The following IL1RAPL1 variants were observed in gnomAD, a reference collection of about 807,000 sequenced individuals.
IL1RAPL1 encodes interleukin-1 receptor accessory protein-like 1.
A neutral mutation model predicts 48.4 loss-of-function variants in IL1RAPL1; 3 were observed. That is an observed-to-expected ratio of 0.06 (90% CI 0.03 to 0.16). IL1RAPL1 has a LOEUF of 0.16. Ranked by LOEUF, IL1RAPL1 falls within the 10% of genes least tolerant of loss-of-function variation. IL1RAPL1 has a pLI of 1.00. For missense variants in IL1RAPL1, 349 were observed against 530.6 expected (o/e 0.66, Z 3.36); for synonymous variants, 185 against 187.7 (o/e 0.99, Z 0.12).
At chrX:29,730,567 C>A (rs1233797955) in intron 6 of IL1RAPL1, among the ~76,000 whole-genome samples, 1 of 112,132 alleles carries the variant, frequency 8.9e-6, no homozygotes, top group East Asian at 2.8e-4. Context: ...TGATGTGTCA[C>A]TTTTTAGGGC....
At position 29,490,377 on chromosome X, in the gene IL1RAPL1, A is replaced by G. The variant is rs771867197; in HGVS notation, c.703+91069A>G. 4.5e-5 allele frequency among the ~76,000 whole-genome samples: 5 copies of G among 110,145 alleles called. No individual in the cohort carries two copies. The South Asian group carries it at 1.2e-3, about 26-fold the overall frequency. ...CAAAACCCCGTGTCTACAAAAAAAT[A>G]CAAAAATTAGTCATGTGTGGTGACA... On this transcript the variant is annotated intron_variant, in intron 5 of 10. Coordinates refer to ENST00000378993, the MANE Select transcript of IL1RAPL1 (RefSeq NM_014271.4).
intron 2 of IL1RAPL1, among the ~76,000 whole-genome samples, chrX:29,274,041 AT>A (rs1360213860): frequency 9.0e-6 from 1 of 111,373 alleles, no homozygotes; most frequent in Admixed American, 9.6e-5. Context: ...TATCCCCATG[AT>A]TTTTTCCTCA....
intron 6 of IL1RAPL1, among the ~76,000 whole-genome samples, chrX:29,699,856 G>A (rs1473364572): frequency 8.9e-6 from 1 of 112,409 alleles, no homozygotes; most frequent in African/African-American, 3.2e-5. Flanking sequence ...GGAGAATACT[G>A]ACAGTCAGCC....
At chrX:28,899,113 A>C (rs1197318072) in intron 2 of IL1RAPL1, among the ~76,000 whole-genome samples, 2 of 111,535 alleles carry the variant, frequency 1.8e-5, no homozygotes, top group African/African-American at 6.5e-5. Context: ...CTTCTTCCCA[A>C]GGTGGCAGGA....
At chrX:29,362,922 CA>C (rs1402609530) in intron 3 of IL1RAPL1, among the ~76,000 whole-genome samples, 11 of 112,012 alleles carry the variant, frequency 9.8e-5, no homozygotes, top group South Asian at 3.7e-4. Context: ...AAGCATCTTA[CA>C]AGCATTATCT....
chrX:29,863,254 G>T (rs1433493354), intron 6 of IL1RAPL1, among the ~76,000 whole-genome samples: 1 of 112,104 alleles, frequency 8.9e-6, no homozygotes, highest in Non-Finnish European at 1.9e-5. Context: ...TAATAATGAT[G>T]ATGGAATAGC....
chrX:29,444,088 T>C (rs1312221365), intron 5 of IL1RAPL1, among the ~76,000 whole-genome samples: 1 of 112,128 alleles, frequency 8.9e-6, no homozygotes, highest in Non-Finnish European at 1.9e-5. Context: ...ACGCCTGTAA[T>C]CCCAGCACTT....
intron 2 of IL1RAPL1, among the ~76,000 whole-genome samples, chrX:28,803,906 G>C: frequency 8.9e-6 from 1 of 112,247 alleles, no homozygotes; most frequent in Admixed American, 9.4e-5. Context: ...CTTGCCTTTT[G>C]TATTCTTTAT....
intron 2 of IL1RAPL1, among the ~76,000 whole-genome samples, chrX:29,033,289 G>A (rs1266323830): frequency 1.8e-5 from 2 of 111,287 alleles, no homozygotes; most frequent in Non-Finnish European, 3.8e-5. Flanking sequence ...TTTCATGATG[G>A]AATAATAGAA....
chrX:29,411,705 CT>C (rs35526788), intron 5 of IL1RAPL1, among the ~76,000 whole-genome samples: 139 of 95,875 alleles, frequency 1.4e-3, no homozygotes, highest in East Asian at 2.3e-3. Context: ...GAAACAACTA[CT>C]TTTTTTTTTT....
At chrX:29,547,239 G>A (rs1432466178) in intron 5 of IL1RAPL1, among the ~76,000 whole-genome samples, 8 of 110,652 alleles carry the variant, frequency 7.2e-5, no homozygotes, top group Admixed American at 5.8e-4. Flanking sequence ...TAACTTTTTC[G>A]TGAGTTGTTT....
chrX:28,943,622 T>G (rs180694306), intron 2 of IL1RAPL1, among the ~76,000 whole-genome samples: 52 of 110,014 alleles, frequency 4.7e-4, no homozygotes, highest in Non-Finnish European at 7.8e-4. Context: ...TATTTTATCC[T>G]TGATTGTCTG....
At chrX:29,019,645 T>G (rs1926318529) in intron 2 of IL1RAPL1, among the ~76,000 whole-genome samples, 1 of 111,775 alleles carries the variant, frequency 8.9e-6, no homozygotes, top group Non-Finnish European at 1.9e-5. Context: ...GTGTTTAAGG[T>G]CTGTATAACA....
At chrX:29,515,345 A>G (rs1190888360) in intron 5 of IL1RAPL1, among the ~76,000 whole-genome samples, 1 of 112,279 alleles carries the variant, frequency 8.9e-6, no homozygotes, top group African/African-American at 3.2e-5. Context: ...TAGTCAAGAT[A>G]GAAAACATTT....
chrX:28,891,408 C>G (rs1191297820), intron 2 of IL1RAPL1, among the ~76,000 whole-genome samples: 1 of 112,014 alleles, frequency 8.9e-6, no homozygotes, highest in Admixed American at 9.5e-5. Context: ...ATAAGCATCA[C>G]TACAAACACT....
intron 5 of IL1RAPL1, among the ~76,000 whole-genome samples, chrX:29,521,580 T>G: frequency 8.9e-6 from 1 of 112,723 alleles, no homozygotes; most frequent in Non-Finnish European, 1.9e-5. Flanking sequence ...TCCAGAATCC[T>G]GCTTGCATGC....
At chrX:29,169,071 C>A (rs888000437) in intron 2 of IL1RAPL1, among the ~76,000 whole-genome samples, 1 of 106,680 alleles carries the variant, frequency 9.4e-6, no homozygotes, top group Non-Finnish European at 1.9e-5. Context: ...TGTAAATGGG[C>A]ATTTATGTTG....
At chrX:29,009,401 A>G (rs1210100358) in intron 2 of IL1RAPL1, among the ~76,000 whole-genome samples, 2 of 112,416 alleles carry the variant, frequency 1.8e-5, no homozygotes, top group Non-Finnish European at 1.9e-5. Flanking sequence ...GAGGTCTTAC[A>G]TTTAAATCTC....
chrX:29,726,651 T>A (rs1320297868), intron 6 of IL1RAPL1, among the ~76,000 whole-genome samples: 1 of 111,730 alleles, frequency 9.0e-6, no homozygotes, highest in Non-Finnish European at 1.9e-5. Context: ...TTATATTTTT[T>A]AAAGATTTTC....
Sources: allele counts gnomAD v4.1 joint callset (sites outside exome capture counted in the v4.1 genomes callset), GRCh38; gene constraint gnomAD v4.1.1; transcripts MANE v1.5; gene names NCBI Gene and HGNC (gene_info 2026-07-23, HGNC 2026-07-21).